Variants in BDH2 observed in about 807,000 individuals in gnomAD.
The protein encoded by BDH2 is dehydrogenase/reductase SDR family member 6.
Under a neutral mutation model 33.2 loss-of-function variants are expected in BDH2, and 24 were observed. The ratio of observed to expected loss-of-function variants is 0.72; its 90% CI spans 0.52 to 1.02. The LOEUF is 1.02. BDH2 is among the 50% of genes least tolerant of loss of function. The pLI is 0.00. For synonymous variants in BDH2, 81 were observed against 101.6 expected (o/e 0.80, Z 1.22); for missense variants, 249 against 301.6 (o/e 0.83, Z 1.29).
At chr4:103,087,641 C>T (rs987420253) in intron 5 of BDH2, among the ~76,000 whole-genome samples, 1 of 152,136 alleles carries the variant, frequency 6.6e-6, no homozygotes, top group Non-Finnish European at 1.5e-5. Flanking sequence ...AGACAGTGTA[C>T]ACAGTAGGCA....
At chr4:103,084,515 A>G (rs1051656346) in intron 7 of BDH2, among the ~76,000 whole-genome samples, 7 of 152,240 alleles carry the variant, frequency 4.6e-5, no homozygotes, top group Admixed American at 4.6e-4. Flanking sequence ...TGATAAGTCC[A>G]GTCGCTGAAA....
Position 103,096,242 on chromosome 4 carries a change from C to T in BDH2, c.13G>A (p.Asp5Asn). MGRL[D>N]GKVIILTAAA... ...GCCGTCAGGATGATGACTTTCCCAT[C>T]AAGTCGACCCATAATGGAACCTGTG... is the stretch of plus-strand genomic sequence containing the variant. The change falls in exon 2 of 10, where the codon GAT becomes AAT. Residue 5 changes from aspartate (D) to asparagine (N), a missense_variant. Coordinates refer to ENST00000296424, the MANE Select transcript of BDH2 (RefSeq NM_020139.4). The T allele has an allele frequency of 6.2e-7, 1 of 1,613,794 alleles. No individual in the cohort carries two copies. The highest frequency in any genetic ancestry group is 8.5e-7 in the Non-Finnish European group (1 of 1,179,744).
chr4:103,097,422 A>G (rs78072797), intron 1 of BDH2, among the ~76,000 whole-genome samples: 2,104 of 152,318 alleles, frequency 0.014, 42 homozygotes, highest in African/African-American at 0.048. Flanking sequence ...AAGAGCTAGT[A>G]GTGAGGCTGG....
chr4:103,096,251 C>A lies in BDH2; in HGVS notation c.4G>T (p.Gly2Cys), dbSNP rs1363754230. The change falls in exon 2 of 10, where the codon GGT becomes TGT. Residue 2 changes from glycine to cysteine, a missense_variant. By Grantham distance (159) the Gly-to-Cys change is radical. Transcript: ENST00000296424. ...ATGATGACTTTCCCATCAAGTCGACCCATAATGGAACCTGTGGTTTAATCT... is the reference window on the plus strand; with the variant it reads ...ATGATGACTTTCCCATCAAGTCGACACATAATGGAACCTGTGGTTTAATCT... MGRLDGKVIILT... is the reference protein window; with the variant it reads MCRLDGKVIILT... 6.2e-7 allele frequency: 1 copy of A among 1,613,478 alleles called. No homozygotes were observed. The highest frequency in any genetic ancestry group is 8.5e-7 in the Non-Finnish European group (1 of 1,179,542).
At chr4:103,082,984 C>T (rs1016122798) in intron 7 of BDH2, 55 bp from the exon 8 acceptor site, 43 of 1,452,062 alleles carry the variant, frequency 3.0e-5, no homozygotes, top group Non-Finnish European at 3.8e-5. Context: ...AAAAAGAAAT[C>T]GATAACTAAA....
chr4:103,085,228 A>G (rs1747719096), intron 7 of BDH2, 121 bp downstream of exon 7: 1 of 722,204 alleles, frequency 1.4e-6, no homozygotes, highest in East Asian at 2.7e-5. Context: ...TATCTGTTGC[A>G]ACTATTATAC....
chr4:103,091,257 A>G lies in BDH2; in HGVS notation c.277T>C (p.Cys93Arg), dbSNP rs1208224794. 1 of 1,613,148 alleles carries G rather than the reference A, an allele frequency of 6.2e-7. No homozygotes were observed. Among genetic ancestry groups the G allele is most frequent in the African/African-American group, 1.3e-5 (1 of 74,868 alleles). ...GAGAAGTCCCAGTCTTTCTCCTCAC[A>G]ATCCAGGACAGTTCCATGATGGACA... ...GFVHHGTVLD[C>R]EEKDWDFSMN... The change falls in exon 5 of 10, where the codon TGT (cysteine) becomes CGT (arginine). Residue 93 changes from cysteine (C) to arginine (R), a missense_variant. Transcript: ENST00000296424.
chr4:103,079,640 G>T lies in BDH2; in HGVS notation c.*62C>A, dbSNP rs372169767. 4.0e-6 allele frequency: 6 copies of T among 1,517,504 alleles called. No homozygotes were observed. In the South Asian group the frequency reaches 5.7e-5, roughly 14 times the overall value. The allele number at this position is 1,517,504 out of a possible 1,614,324, so 94.0% of individuals were successfully genotyped here. On this transcript the variant is annotated 3_prime_UTR_variant, in exon 10 of 10. Transcript: ENST00000296424. ...AGGAGATGATTGGTGAGTTTTCTTC[G>T]TAACCAGGTTCACTGTGGATAGGAA...
At chr4:103,099,743 C>CTAAA (rs1748569839) in intron 1 of BDH2, 40 bp downstream of exon 1, 1 of 152,208 alleles carries the variant, frequency 6.6e-6, no homozygotes, top group Non-Finnish European at 1.5e-5. Flanking sequence ...CCCCTCTTTC[C>CTAAA]GTTCTAAAGT....
At position 103,096,226 on chromosome 4, in the gene BDH2, A is replaced by T. The variant is rs1187558868; in HGVS notation, c.29T>A (p.Ile10Asn). The change falls in exon 2 of 10, where the codon ATC becomes AAC. Residue 10 changes from isoleucine (I) to asparagine (N), a missense_variant. Physicochemically the swap from Ile to Asn is moderately radical, Grantham distance 149. Coordinates refer to ENST00000296424, the MANE Select transcript of BDH2 (RefSeq NM_020139.4). ...AATCCCCTGAGCAGCGGCCGTCAGG[A>T]TGATGACTTTCCCATCAAGTCGACC... MGRLDGKVI[I>N]LTAAAQGIGQ... 2 of 1,613,948 alleles carry T rather than the reference A, an allele frequency of 1.2e-6. No homozygotes were observed. Among genetic ancestry groups the T allele is most frequent in the Admixed American group, 1.7e-5 (1 of 60,024 alleles).
At position 103,091,226 on chromosome 4, in the gene BDH2, T is replaced by C; in HGVS notation, c.308A>G (p.Asn103Ser). Reference protein sequence around the residue: ...CEEKDWDFSMNLNVRSMYLMI... With the variant: ...CEEKDWDFSMSLNVRSMYLMI... ...CAGGTACATGCTGCGCACATTGAGA[T>C]TCATCGAGAAGTCCCAGTCTTTCTC... The change falls in exon 5 of 10, where the codon AAT becomes AGT. Residue 103 changes from asparagine to serine, a missense_variant. Coordinates refer to ENST00000296424, the MANE Select transcript of BDH2 (RefSeq NM_020139.4). The C allele has an allele frequency of 1.2e-6, 2 of 1,613,448 alleles. No individual in the cohort carries two copies. The highest frequency in any genetic ancestry group is 1.7e-6 in the Non-Finnish European group (2 of 1,179,792).
intron 9 of BDH2, among the ~76,000 whole-genome samples, chr4:103,081,673 T>C (rs1246413726): frequency 1.3e-5 from 2 of 152,254 alleles, no homozygotes; most frequent in Non-Finnish European, 2.9e-5. Context: ...AAACACCACA[T>C]GCGAATTCTG....
rs116719649 is a variant in BDH2, at chr4:103,080,940, A to C, written c.684+1141T>G. Among the ~76,000 whole-genome samples, 863 of 152,362 alleles carry C rather than the reference A, an allele frequency of 5.7e-3. 9 individuals carry two copies. The highest frequency in any genetic ancestry group is 0.019 in the African/African-American group (803 of 41,574). The stretch of plus-strand genomic sequence containing the variant: ...AATAGTTGGGAGAAGTTCTGAGAAG[A>C]AACTGCGCTGTCACGGAAACATTTC... On this transcript the variant is annotated intron_variant, in intron 9 of 9. Coordinates refer to ENST00000296424, the MANE Select transcript of BDH2 (RefSeq NM_020139.4).
rs191790086 is a variant in BDH2, at chr4:103,095,073, C to G, written c.151+130G>C. 284 of 628,922 alleles carry G rather than the reference C, an allele frequency of 4.5e-4. 1 individual carries two copies. Among genetic ancestry groups the G allele is most frequent in the Non-Finnish European group, 6.6e-4 (238 of 361,540 alleles). 39.0% of individuals were successfully genotyped at this position (628,922 alleles called of 1,614,324 possible). On this transcript the variant is annotated intron_variant, in intron 3 of 9. Coordinates refer to ENST00000296424, the MANE Select transcript of BDH2 (RefSeq NM_020139.4). Reference sequence around the variant, plus strand: ...GGTTCACAAAATATAGATTTCATATCAGAGAGAGAATCTAAAAAGCACGGC... The same window carrying G: ...GGTTCACAAAATATAGATTTCATATGAGAGAGAGAATCTAAAAAGCACGGC...
In BDH2 at chr4:103,088,944, T is replaced by C. The variant is rs139045496; in HGVS notation, c.357+2233A>G. On this transcript the variant is annotated intron_variant, in intron 5 of 9. Transcript: ENST00000296424. The stretch of plus-strand genomic sequence containing the variant: ...AACAAACCAACCCAAATAACAAAGA[T>C]ATCCCCAAATCTTTGCCCTAATGGA... Among the ~76,000 whole-genome samples, 629 of 152,330 alleles carry C rather than the reference T, an allele frequency of 4.1e-3. 8 individuals are homozygous for C. The highest frequency in any genetic ancestry group is 0.014 in the African/African-American group (590 of 41,578).
At position 103,080,865 on chromosome 4, in the gene BDH2, T is replaced by C. The variant is rs371397421; in HGVS notation, c.685-1110A>G. 9.2e-5 allele frequency among the ~76,000 whole-genome samples: 14 copies of C among 152,370 alleles called. No homozygotes were observed. In the East Asian group the frequency reaches 2.1e-3, roughly 23 times the overall value. ...GAAATCACAAAGGCTCATGTGCTTC[T>C]TCATTAAACATTTGTCTATTAATTT... On this transcript the variant is annotated intron_variant, in intron 9 of 9. Coordinates refer to ENST00000296424, the MANE Select transcript of BDH2 (RefSeq NM_020139.4).
At chr4:103,089,616 C>T (rs1164732586) in intron 5 of BDH2, among the ~76,000 whole-genome samples, 1 of 152,190 alleles carries the variant, frequency 6.6e-6, no homozygotes, top group Admixed American at 6.5e-5. Context: ...TCCACACCTA[C>T]TTCCTTTACT....
At chr4:103,082,770 C>G in intron 8 of BDH2, 101 bp downstream of exon 8, 1 of 1,049,236 alleles carries the variant, frequency 9.5e-7, no homozygotes, top group South Asian at 1.3e-5. Flanking sequence ...CCCCTGGCAA[C>G]TACCATTTCA....
At chr4:103,089,699 T>G (rs1348028401) in intron 5 of BDH2, among the ~76,000 whole-genome samples, 12 of 152,230 alleles carry the variant, frequency 7.9e-5, no homozygotes, top group Admixed American at 7.9e-4. Flanking sequence ...TTACCCACGA[T>G]GACCTAAGCT....
Sources: allele counts gnomAD v4.1 joint callset (sites outside exome capture counted in the v4.1 genomes callset), GRCh38; gene constraint gnomAD v4.1.1; transcripts MANE v1.5; gene names NCBI Gene and HGNC (gene_info 2026-07-23, HGNC 2026-07-21).